The following XKR4 variants were observed in gnomAD, a reference collection of about 807,000 sequenced individuals.
The protein encoded by XKR4 is XK-related protein 4.
In XKR4, 12 loss-of-function variants were observed where a neutral mutation model predicts 53.9. The ratio of observed to expected loss-of-function variants is 0.22; its 90% CI spans 0.14 to 0.36. XKR4 has a LOEUF of 0.36. Among genes scored for constraint, XKR4 ranks in the 10% least tolerant of loss-of-function variants. The pLI, the probability that XKR4 is intolerant of heterozygous loss-of-function variation, is 1.00. For synonymous variants in XKR4, 354 were observed against 362.4 expected, an observed-to-expected ratio of 0.98 and a Z score of 0.26; for missense variants, 799 against 859.5, an observed-to-expected ratio of 0.93 and a Z score of 0.88.
intron 2 of XKR4, among the ~76,000 whole-genome samples, chr8:55,472,080 A>T (rs1176991646): frequency 6.6e-6 from 1 of 152,178 alleles, no homozygotes; most frequent in African/African-American, 2.4e-5. Flanking sequence ...GAGGGAAATG[A>T]TAATGAATTT....
At chr8:55,233,604 G>A (rs993699439) in intron 1 of XKR4, among the ~76,000 whole-genome samples, 1 of 152,248 alleles carries the variant, frequency 6.6e-6, no homozygotes, top group Non-Finnish European at 1.5e-5. Context: ...GCCACACTGA[G>A]GTGGACCTGA....
intron 1 of XKR4, among the ~76,000 whole-genome samples, chr8:55,196,140 C>A (rs931345182): frequency 6.6e-6 from 1 of 150,776 alleles, no homozygotes; most frequent in African/African-American, 2.4e-5. Context: ...GTAAATATAG[C>A]AAATCCCACA....
chr8:55,124,112 A>G (rs1041542106), intron 1 of XKR4, among the ~76,000 whole-genome samples: 1 of 152,128 alleles, frequency 6.6e-6, no homozygotes, highest in Non-Finnish European at 1.5e-5. Context: ...TCTTAACACC[A>G]TGCAGATTTA....
chr8:55,451,072 A>T, intron 2 of XKR4: 1 of 520,342 alleles, frequency 1.9e-6, no homozygotes, highest in Non-Finnish European at 3.5e-6. Context: ...CACTGCTGCA[A>T]GGGGTCCGGC....
rs369940154 is a variant in XKR4, at chr8:55,439,800, T to C, written c.1006+81923T>C. 1.2e-4 allele frequency among the ~76,000 whole-genome samples: 18 copies of C among 152,324 alleles called. No homozygotes were observed. The East Asian group carries it at 3.3e-3, about 28-fold the overall frequency. On this transcript the variant is annotated intron_variant, in intron 2 of 2. Coordinates refer to ENST00000327381, the MANE Select transcript of XKR4 (RefSeq NM_052898.2). ...AAAGGAAATTAGAGATAGGCTATATTTGAAGAGGTAACAGCTAAGAATTTT... is the reference window on the plus strand; with the variant it reads ...AAAGGAAATTAGAGATAGGCTATATCTGAAGAGGTAACAGCTAAGAATTTT...
intron 2 of XKR4, among the ~76,000 whole-genome samples, chr8:55,496,159 T>C (rs184941526): frequency 6.6e-6 from 1 of 152,298 alleles, no homozygotes; most frequent in Non-Finnish European, 1.5e-5. Flanking sequence ...ATGAGGGCAA[T>C]AAGTACTCGC....
chr8:55,184,544 G>A (rs532244954), intron 1 of XKR4, among the ~76,000 whole-genome samples: 11 of 152,266 alleles, frequency 7.2e-5, no homozygotes, highest in Middle Eastern at 3.4e-3. Flanking sequence ...TTTTCACAAT[G>A]GAAGTTGTGT....
intron 1 of XKR4, among the ~76,000 whole-genome samples, chr8:55,262,461 G>C (rs1332154714): frequency 6.6e-6 from 1 of 152,220 alleles, no homozygotes. Flanking sequence ...GAGACTTTTG[G>C]AAGTGATGAG....
chr8:55,382,293 C>T (rs1206785930), intron 2 of XKR4, among the ~76,000 whole-genome samples: 1 of 152,200 alleles, frequency 6.6e-6, no homozygotes, highest in African/African-American at 2.4e-5. Context: ...TTGAACATGA[C>T]ACTATTATAC....
chr8:55,489,321 T>C (rs1268960232), intron 2 of XKR4, among the ~76,000 whole-genome samples: 1 of 152,158 alleles, frequency 6.6e-6, no homozygotes, highest in Admixed American at 6.5e-5. Flanking sequence ...TAAAAAATAG[T>C]CTATTAATTT....
chr8:55,226,181 T>G (rs1282317111), intron 1 of XKR4, among the ~76,000 whole-genome samples: 1 of 152,174 alleles, frequency 6.6e-6, no homozygotes, highest in Non-Finnish European at 1.5e-5. Flanking sequence ...ATACAAAGAT[T>G]AACAAAACAG....
chr8:55,125,138 A>G (rs924620269), intron 1 of XKR4, among the ~76,000 whole-genome samples: 4 of 152,258 alleles, frequency 2.6e-5, no homozygotes, highest in African/African-American at 9.6e-5. Context: ...CTATTTTTAA[A>G]AAATCCATTT....
chr8:55,344,189 C>T (rs1279473666), intron 1 of XKR4, among the ~76,000 whole-genome samples: 1 of 152,156 alleles, frequency 6.6e-6, no homozygotes, highest in African/African-American at 2.4e-5. Flanking sequence ...GGGTCAGGCA[C>T]CCTAGGCCTA....
chr8:55,144,407 C>A (rs908459601), intron 1 of XKR4, among the ~76,000 whole-genome samples: 17 of 151,952 alleles, frequency 1.1e-4, no homozygotes, highest in African/African-American at 3.6e-4. Flanking sequence ...AGAAAGCCAA[C>A]AGCACAAGCC....
chr8:55,391,394 T>A (rs1018543102), intron 2 of XKR4, among the ~76,000 whole-genome samples: 6 of 152,202 alleles, frequency 3.9e-5, no homozygotes, highest in South Asian at 2.1e-4. Flanking sequence ...AATAAATTCT[T>A]ATATAGCTAC....
intron 1 of XKR4, among the ~76,000 whole-genome samples, chr8:55,301,778 G>C (rs1048862926): frequency 2.5e-4 from 38 of 152,244 alleles, no homozygotes; most frequent in Non-Finnish European, 4.9e-4. Flanking sequence ...GTGTCTTTTG[G>C]CTGCATAAAT....
At chr8:55,379,874 A>ACAGATTT (rs2129387334) in intron 2 of XKR4, among the ~76,000 whole-genome samples, 1 of 152,332 alleles carries the variant, frequency 6.6e-6, no homozygotes, top group Non-Finnish European at 1.5e-5. Flanking sequence ...GAAAACTGGA[A>ACAGATTT]CAGATTTCTC....
chr8:55,329,790 C>T (rs1037191285), intron 1 of XKR4, among the ~76,000 whole-genome samples: 2 of 152,076 alleles, frequency 1.3e-5, no homozygotes, highest in Admixed American at 6.6e-5. Context: ...AAGAACATTG[C>T]TGTGTGTTTC....
chr8:55,230,338 C>A (rs1473526339), intron 1 of XKR4, among the ~76,000 whole-genome samples: 20 of 148,556 alleles, frequency 1.3e-4, no homozygotes, highest in Admixed American at 1.1e-3. Context: ...TCTATGGTGG[C>A]AATGATTATG....
Sources: gnomAD v4.1 joint callset for allele counts (sites outside exome capture counted in the v4.1 genomes callset) on GRCh38, gnomAD v4.1.1 for gene constraint, MANE v1.5 for transcripts, NCBI Gene and HGNC (gene_info 2026-07-23, HGNC 2026-07-21) for gene names.